Variants in CPNE8 observed in about 807,000 individuals in gnomAD.
CPNE8 encodes copine 8, also known as copine-8.
A neutral mutation model predicts 81.5 loss-of-function variants in CPNE8; 45 were observed. The ratio of observed to expected loss-of-function variants is 0.55; its 90% CI spans 0.44 to 0.71. CPNE8 has a LOEUF of 0.71. CPNE8 is among the 30% of genes least tolerant of loss of function. CPNE8 has a pLI of 0.00. For missense variants in CPNE8, 594 were observed against 672.1 expected (o/e 0.88, Z 1.28); for synonymous variants, 252 against 226.3 (o/e 1.11, Z -1.02).
intron 19 of CPNE8, among the ~76,000 whole-genome samples, chr12:38,663,287 A>G (rs1034291213): frequency 6.6e-6 from 1 of 152,076 alleles, no homozygotes; most frequent in African/African-American, 2.4e-5. Context: ...ACAAAAAACA[A>G]AAAACAAAAA....
At chr12:38,863,827 C>A (rs995770946) in intron 3 of CPNE8, among the ~76,000 whole-genome samples, 5 of 151,928 alleles carry the variant, frequency 3.3e-5, no homozygotes, top group Non-Finnish European at 5.9e-5. Flanking sequence ...CCGAGGCGGG[C>A]GGATCACAAG....
chr12:38,868,638 A>T (rs1359079652), intron 3 of CPNE8, among the ~76,000 whole-genome samples: 2 of 152,178 alleles, frequency 1.3e-5, no homozygotes, highest in Non-Finnish European at 2.9e-5. Context: ...ACAGCTCTGA[A>T]AAACCTACTA....
rs538615816 is a variant in CPNE8, at chr12:38,890,568, T to TA, written c.98+14868dup. On this transcript the variant is annotated intron_variant, in intron 1 of 19. Transcript: ENST00000331366. ...TGTGGCACAAAATTTAAATTGGTGATAAAAAAAAATACAGAGTCTGGAAGA... is the reference window on the plus strand; with the variant it reads ...TGTGGCACAAAATTTAAATTGGTGATAAAAAAAAAATACAGAGTCTGGAAGA... 3.2e-3 allele frequency among the ~76,000 whole-genome samples: 479 copies of TA among 151,280 alleles called. 3 individuals are homozygous for TA. The highest frequency in any genetic ancestry group is 7.5e-3 in the African/African-American group (311 of 41,284).
chr12:38,848,722 A>G, intron 3 of CPNE8, 60 bp from the exon 4 acceptor site: 1 of 1,484,136 alleles, frequency 6.7e-7, no homozygotes, highest in Non-Finnish European at 8.9e-7. Flanking sequence ...TTACAAGTAT[A>G]GTACTTAATA....
rs73095574 is a variant in CPNE8, at chr12:38,692,163, C to T, written c.1143+1494G>A. Reference sequence around the variant, plus strand: ...AAAAATTAGCCAGGTGTTATGCATGCCTGTAATCCTAGCTACCTGGGAAGC... The same window carrying T: ...AAAAATTAGCCAGGTGTTATGCATGTCTGTAATCCTAGCTACCTGGGAAGC... On this transcript the variant is annotated intron_variant, in intron 15 of 19. Transcript: ENST00000331366. Among the ~76,000 whole-genome samples the T allele has an allele frequency of 7.3e-3, 1,115 of 152,060 alleles. 11 individuals are homozygous for T. Among genetic ancestry groups the T allele is most frequent in the African/African-American group, 0.021 (855 of 41,460 alleles).
At chr12:38,848,341 G>A (rs956666711) in intron 4 of CPNE8, among the ~76,000 whole-genome samples, 15 of 152,096 alleles carry the variant, frequency 9.9e-5, no homozygotes, top group Non-Finnish European at 1.6e-4. Flanking sequence ...CATATACACC[G>A]TCCTGCATGG....
Position 38,790,009 on chromosome 12 carries a change from G to A in CPNE8, c.408-13708C>T, listed in dbSNP as rs576010797. 2.8e-4 allele frequency among the ~76,000 whole-genome samples: 43 copies of A among 151,842 alleles called. 1 individual carries two copies. The highest frequency in any genetic ancestry group is 1.0e-3 in the African/African-American group (43 of 41,498). On this transcript the variant is annotated intron_variant, in intron 6 of 19. Transcript: ENST00000331366. ...ACCTTCTTAGTAGAAATGTAAATTA[G>A]TACAATCACTACGGAGAACACTTTG...
intron 15 of CPNE8, among the ~76,000 whole-genome samples, chr12:38,689,485 A>C (rs547825795): frequency 1.1e-4 from 17 of 152,308 alleles, no homozygotes; most frequent in African/African-American, 4.1e-4. Flanking sequence ...CTGAAATGTG[A>C]CTGTTGCTTA....
intron 7 of CPNE8, among the ~76,000 whole-genome samples, chr12:38,768,696 A>AT (rs11403546): frequency 0.12 from 17,703 of 142,980 alleles, 1,274 homozygotes; most frequent in East Asian, 0.27. Flanking sequence ...ATTTTTTTGT[A>AT]TTTTTTTTTT....
At chr12:38,782,080 G>A (rs1942064834) in intron 6 of CPNE8, among the ~76,000 whole-genome samples, 1 of 152,080 alleles carries the variant, frequency 6.6e-6, no homozygotes, top group South Asian at 2.1e-4. Context: ...TACCACTGTT[G>A]TCTTTCTAGT....
intron 6 of CPNE8, among the ~76,000 whole-genome samples, chr12:38,779,149 CA>C (rs553131889): frequency 8.0e-4 from 121 of 152,148 alleles, no homozygotes; most frequent in Non-Finnish European, 1.4e-3. Context: ...TCAACCTGAA[CA>C]CACTTTACAA....
chr12:38,777,642 A>G (rs932766456), intron 6 of CPNE8, among the ~76,000 whole-genome samples: 3 of 152,122 alleles, frequency 2.0e-5, no homozygotes, highest in African/African-American at 7.2e-5. Flanking sequence ...ACCATTTTAT[A>G]TGTTTACTTA....
At chr12:38,735,597 T>C (rs4768330) in intron 10 of CPNE8, among the ~76,000 whole-genome samples, 83,773 of 151,674 alleles carry the variant, frequency 0.55, 23,668 homozygotes, top group East Asian at 0.81. Context: ...TCTTATACGA[T>C]AACATCAACA....
In CPNE8 at chr12:38,760,435, G is replaced by GTATATATATATATATATATA. The variant is rs139244982; in HGVS notation, c.722+411_722+412insTATATATATATATATATATA. Among the ~76,000 whole-genome samples the GTATATATATATATATATATA allele has an allele frequency of 4.2e-3, 532 of 127,136 alleles. 9 individuals are homozygous for GTATATATATATATATATATA. Among genetic ancestry groups the GTATATATATATATATATATA allele is most frequent in the African/African-American group, 7.3e-3 (208 of 28,628 alleles). The allele number at this position is 127,136 out of a possible 152,430, so 83.4% of individuals were successfully genotyped here. On this transcript the variant is annotated intron_variant, in intron 10 of 19. Coordinates refer to ENST00000331366, the MANE Select transcript of CPNE8 (RefSeq NM_153634.3). ...ATTCTCGAGTTTTGTTGTATGGTGTGTATATATATATATATATGTGTGTGT... is the reference window on the plus strand; with the variant it reads ...ATTCTCGAGTTTTGTTGTATGGTGTGTATATATATATATATATATATATATATATATATATATGTGTGTGT...
intron 14 of CPNE8, among the ~76,000 whole-genome samples, chr12:38,701,407 T>A (rs1207229617): frequency 6.6e-6 from 1 of 152,228 alleles, no homozygotes; most frequent in Admixed American, 6.5e-5. Flanking sequence ...TTATCTTAGT[T>A]GTTGTGCTAG....
At chr12:38,809,730 A>T (rs1258362770) in intron 6 of CPNE8, among the ~76,000 whole-genome samples, 1 of 152,170 alleles carries the variant, frequency 6.6e-6, no homozygotes, top group Non-Finnish European at 1.5e-5. Flanking sequence ...AAATCTAACC[A>T]GCTTTAATGT....
intron 13 of CPNE8, among the ~76,000 whole-genome samples, chr12:38,708,238 C>T (rs147560941): frequency 1.3e-5 from 2 of 151,988 alleles, no homozygotes; most frequent in Non-Finnish European, 2.9e-5. Flanking sequence ...AAACAGGTTT[C>T]TTGAAGACTT....
intron 6 of CPNE8, among the ~76,000 whole-genome samples, chr12:38,790,591 A>C (rs760155291): frequency 1.3e-5 from 2 of 151,768 alleles, no homozygotes; most frequent in Admixed American, 1.3e-4. Flanking sequence ...TTTAAAAATA[A>C]CTAAAATTGT....
chr12:38,861,964 T>C (rs1943842661), intron 3 of CPNE8, among the ~76,000 whole-genome samples: 1 of 152,164 alleles, frequency 6.6e-6, no homozygotes, highest in African/African-American at 2.4e-5. Flanking sequence ...TATAACATTA[T>C]TCCAACTAAT....
Sources: allele counts gnomAD v4.1 joint callset (sites outside exome capture counted in the v4.1 genomes callset), GRCh38; gene constraint gnomAD v4.1.1; transcripts MANE v1.5; gene names NCBI Gene and HGNC (gene_info 2026-07-23, HGNC 2026-07-21).